The following OIT3 variants were observed in gnomAD, a reference collection of about 807,000 sequenced individuals.
OIT3 encodes oncoprotein-induced transcript 3 protein.
Under a neutral mutation model 52.2 loss-of-function variants are expected in OIT3, and 41 were observed. That is an observed-to-expected ratio of 0.79 (90% CI 0.61 to 1.02). The LOEUF (loss-of-function observed/expected upper bound fraction) is 1.02, where lower values mean the gene tolerates loss of function less well. OIT3 is among the 50% of genes least tolerant of loss of function. The pLI is 0.00. For synonymous variants in OIT3, 244 were observed against 276.9 expected, an observed-to-expected ratio of 0.88 and a Z score of 1.18; for missense variants, 634 against 715.5, an observed-to-expected ratio of 0.89 and a Z score of 1.30.
rs1166349635 is a variant in OIT3, at chr10:72,899,058, T to A, written c.436+20T>A. On this transcript the variant is annotated intron_variant, in intron 2 of 8. Transcript: ENST00000334011. ...GTGGTCGTGAGTACCTTCCCTGTGC[T>A]CTTTTTCTCCACCAACAAGGCCACA... 6 of 1,572,638 alleles carry A rather than the reference T, an allele frequency of 3.8e-6. No homozygotes were observed. The highest frequency in any genetic ancestry group is 5.2e-6 in the Non-Finnish European group (6 of 1,156,294).
chr10:72,924,926 C>T (rs1022346649), intron 7 of OIT3, among the ~76,000 whole-genome samples: 1 of 151,996 alleles, frequency 6.6e-6, no homozygotes, highest in Non-Finnish European at 1.5e-5. Flanking sequence ...GCCTGGCCAA[C>T]ATGGTGAAAC....
At chr10:72,919,093 A>G (rs1180888930) in intron 6 of OIT3, among the ~76,000 whole-genome samples, 1 of 151,772 alleles carries the variant, frequency 6.6e-6, no homozygotes, top group East Asian at 1.9e-4. Context: ...CTTCCTATGT[A>G]TTTCCATTTG....
rs760788629 is a variant in OIT3 at position 72,930,576 on chromosome 10, G to A, written c.1406G>A (p.Arg469Gln). Residue 469 changes from arginine (R) to glutamine (Q), a missense_variant, in exon 8 of 9, where the codon CGG becomes CAG. Arg to Gln is a conservative substitution (Grantham distance 43, BLOSUM62 1). Transcript: ENST00000334011. Reference sequence around the variant, plus strand: ...GACTCGGTAAAGCAGTACACATCCCGGGATCACCTAGCAAAGCACTTCCAG... The same window carrying A: ...GACTCGGTAAAGCAGTACACATCCCAGGATCACCTAGCAAAGCACTTCCAG... ...SDDSVKQYTS[R>Q]DHLAKHFQVP... The A allele has an allele frequency of 5.6e-6, 9 of 1,613,558 alleles. No homozygotes were observed. The highest frequency in any genetic ancestry group is 2.2e-5 in the East Asian group (1 of 44,874).
intron 3 of OIT3, among the ~76,000 whole-genome samples, chr10:72,905,011 G>A (rs532844792): frequency 6.6e-6 from 1 of 152,316 alleles, no homozygotes; most frequent in African/African-American, 2.4e-5. Context: ...CAGGAAGTGA[G>A]AGTGAGAAGG....
chr10:72,929,731 C>T (rs923021555), intron 7 of OIT3, among the ~76,000 whole-genome samples: 42 of 152,026 alleles, frequency 2.8e-4, no homozygotes, highest in African/African-American at 9.4e-4. Flanking sequence ...TTAATAGAGA[C>T]GGGTTTTCAC....
In OIT3 at chr10:72,900,457, C is replaced by T. The variant is rs1387272038; in HGVS notation, c.517C>T (p.Leu173=). The change falls in exon 3 of 9, where the codon CTA becomes TTA. Residue 173 remains leucine (L), a synonymous_variant. Coordinates refer to ENST00000334011, the MANE Select transcript of OIT3 (RefSeq NM_152635.3). ...SECTCAPGTV[L]GPDRQTCFDE... is the part of the protein sequence containing the mutation. The stretch of plus-strand genomic sequence containing the variant: ...GTGCACATGCGCTCCAGGAACTGTG[C>T]TAGGCCCTGACAGGCAGACATGCTT... The T allele has an allele frequency of 6.2e-7, 1 of 1,608,852 alleles. No individual in the cohort carries two copies. The highest frequency in any genetic ancestry group is 1.7e-5 in the Admixed American group (1 of 59,996).
chr10:72,897,471 A>G (rs1040184907), intron 1 of OIT3, among the ~76,000 whole-genome samples: 1 of 152,252 alleles, frequency 6.6e-6, no homozygotes, highest in Non-Finnish European at 1.5e-5. Context: ...AACTGTGAAT[A>G]CACAAAGTTC....
intron 3 of OIT3, among the ~76,000 whole-genome samples, chr10:72,902,142 T>C (rs1845940070): frequency 6.6e-6 from 1 of 152,160 alleles, no homozygotes; most frequent in Non-Finnish European, 1.5e-5. Flanking sequence ...GGCTCTGCCA[T>C]AGGCGTTGTT....
chr10:72,906,902 T>C (rs1845985711), intron 4 of OIT3, among the ~76,000 whole-genome samples, 184 bp downstream of exon 4: 1 of 152,214 alleles, frequency 6.6e-6, no homozygotes, highest in South Asian at 2.1e-4. Flanking sequence ...AGTTTTGATT[T>C]TGTCTCTAAG....
rs1170373210 is a variant in OIT3, at chr10:72,918,518, T to C, written c.951+5050T>C. 3.5e-6 allele frequency: 5 copies of C among 1,413,772 alleles called. No homozygotes were observed. In the Admixed American group the frequency reaches 8.4e-5, roughly 24 times the overall value. The allele number at this position is 1,413,772 out of a possible 1,614,324, so 87.6% of individuals were successfully genotyped here. A position where few individuals can be genotyped will look rare whatever the true frequency, so the allele number is the denominator to read the frequency against. On this transcript the variant is annotated intron_variant, in intron 6 of 8. Transcript: ENST00000334011. Reference sequence around the variant, plus strand: ...GGGCCTCAGGAGGCTCATGTCCATGTCCATCGAATCTTCCATCGGGTGGCG... The same window carrying C: ...GGGCCTCAGGAGGCTCATGTCCATGCCCATCGAATCTTCCATCGGGTGGCG...
chr10:72,905,323 T>G (rs1311597682), intron 3 of OIT3, among the ~76,000 whole-genome samples: 1 of 151,918 alleles, frequency 6.6e-6, no homozygotes, highest in East Asian at 1.9e-4. Context: ...ATACAAAAAT[T>G]AGCTGGGCGT....
At chr10:72,919,395 C>G (rs979525534) in intron 6 of OIT3, among the ~76,000 whole-genome samples, 1 of 152,160 alleles carries the variant, frequency 6.6e-6, no homozygotes, top group Non-Finnish European at 1.5e-5. Flanking sequence ...CATCTGCAGA[C>G]AGGGATAGTT....
intron 2 of OIT3, 125 bp from the exon 3 acceptor site, chr10:72,900,252 T>A: frequency 1.6e-6 from 1 of 611,076 alleles, no homozygotes; most frequent in Non-Finnish European, 2.9e-6. Flanking sequence ...AGCCCAGGGG[T>A]TCGAGGCCAG....
chr10:72,900,365 A>C lies in OIT3; in HGVS notation c.437-12A>C, dbSNP rs1845920965. 1 of 1,482,136 alleles carries C rather than the reference A, an allele frequency of 6.7e-7. No individual in the cohort carries two copies. The highest frequency in any genetic ancestry group is 1.1e-5 in the South Asian group (1 of 88,152). 91.8% of individuals were successfully genotyped at this position (1,482,136 alleles called of 1,614,324 possible). The stretch of plus-strand genomic sequence containing the variant: ...TCCTGCCCTCATGAAGATAATCTTT[A>C]TTCTTCCATAGATTTTTATGACATC... On this transcript the variant is annotated splice_polypyrimidine_tract_variant and intron_variant, in intron 2 of 8. Transcript: ENST00000334011.
intron 3 of OIT3, among the ~76,000 whole-genome samples, chr10:72,902,322 A>G (rs1282652905): frequency 6.6e-6 from 1 of 152,164 alleles, no homozygotes; most frequent in Non-Finnish European, 1.5e-5. Flanking sequence ...TTTTGTTTTA[A>G]TATAACTTTT....
chr10:72,897,966 C>T (rs1369435359), intron 1 of OIT3, among the ~76,000 whole-genome samples: 1 of 152,024 alleles, frequency 6.6e-6, no homozygotes, highest in African/African-American at 2.4e-5. Context: ...TTTCTCTGAA[C>T]AAATTTGTCA....
intron 6 of OIT3, among the ~76,000 whole-genome samples, chr10:72,921,817 G>A (rs1369542535): frequency 6.6e-6 from 1 of 151,780 alleles, no homozygotes; most frequent in African/African-American, 2.4e-5. Context: ...GACTACAGGT[G>A]TGTGCCACCA....
rs1846228571 is a variant in OIT3, at chr10:72,932,652, C to A, written c.*128C>A. 2.6e-6 allele frequency: 2 copies of A among 756,654 alleles called. No homozygotes were observed. Among genetic ancestry groups the A allele is most frequent in the Admixed American group, 3.1e-5 (1 of 32,420 alleles). The allele number at this position is 756,654 out of a possible 1,614,324, so 46.9% of individuals were successfully genotyped here. A position where few individuals can be genotyped will look rare whatever the true frequency, so the allele number is the denominator to read the frequency against. On this transcript the variant is annotated 3_prime_UTR_variant, in exon 9 of 9. Transcript: ENST00000334011. The stretch of plus-strand genomic sequence containing the variant: ...TCACACTGTGAGTTCAGACTCCCAG[C>A]ACCAACTCACTCTGATTCTGGTCCA...
intron 4 of OIT3, 48 bp downstream of exon 4, chr10:72,906,766 A>C (rs1369650282): frequency 5.3e-6 from 8 of 1,505,320 alleles, no homozygotes; most frequent in Non-Finnish European, 6.2e-6. Context: ...AGAGGAAGCC[A>C]CTGGCTTATT....
Sources: gnomAD v4.1 joint callset for allele counts (sites outside exome capture counted in the v4.1 genomes callset) on GRCh38, gnomAD v4.1.1 for gene constraint, MANE v1.5 for transcripts, NCBI Gene and HGNC (gene_info 2026-07-23, HGNC 2026-07-21) for gene names.